Variants in NIPAL2 observed in about 807,000 individuals in gnomAD.
NIPAL2 encodes NIPA-like protein 2.
A neutral mutation model predicts 48.9 loss-of-function variants in NIPAL2; 43 were observed. The ratio of observed to expected loss-of-function variants is 0.88; its 90% CI spans 0.69 to 1.13. NIPAL2 has a LOEUF of 1.13. Ranked by LOEUF, NIPAL2 falls within the 50% of genes most tolerant of loss-of-function variation. The pLI is 0.00. For missense variants in NIPAL2, 446 were observed against 461.4 expected, an observed-to-expected ratio of 0.97 and a Z score of 0.31; for synonymous variants, 167 against 174.6, an observed-to-expected ratio of 0.96 and a Z score of 0.34.
intron 3 of NIPAL2, among the ~76,000 whole-genome samples, chr8:98,246,384 T>C (rs1202840056): frequency 6.6e-6 from 1 of 152,228 alleles, no homozygotes; most frequent in Non-Finnish European, 1.5e-5. Context: ...ATCAGACTCA[T>C]GCTCTCCTCA....
chr8:98,246,204 G>A (rs1813298582), intron 3 of NIPAL2, among the ~76,000 whole-genome samples: 1 of 152,176 alleles, frequency 6.6e-6, no homozygotes, highest in South Asian at 2.1e-4. Context: ...GGCCTCACCA[G>A]GGCTTCCTGG....
intron 1 of NIPAL2, 142 bp downstream of exon 1, chr8:98,293,861 T>C (rs2130933426): frequency 1.3e-6 from 1 of 770,676 alleles, no homozygotes; most frequent in Middle Eastern, 4.3e-4. Flanking sequence ...CGGGAAACAT[T>C]GCATGTCACC....
intron 1 of NIPAL2, among the ~76,000 whole-genome samples, chr8:98,292,630 G>GA (rs1436257423): frequency 1.3e-5 from 2 of 151,890 alleles, no homozygotes; most frequent in Non-Finnish European, 2.9e-5. Flanking sequence ...AGACAATCAA[G>GA]AATTCCAGGA....
At chr8:98,249,162 G>A (rs1463406297) in intron 3 of NIPAL2, among the ~76,000 whole-genome samples, 1 of 152,072 alleles carries the variant, frequency 6.6e-6, no homozygotes. Context: ...CCTGTTTTAG[G>A]GCCCCAAGAA....
intron 1 of NIPAL2, among the ~76,000 whole-genome samples, chr8:98,260,549 C>A (rs1563533499): frequency 6.6e-6 from 1 of 152,170 alleles, no homozygotes; most frequent in East Asian, 1.9e-4. Flanking sequence ...TCACTCCAAC[C>A]CGAATACTGC....
chr8:98,227,822 C>T (rs1380350715), intron 4 of NIPAL2, among the ~76,000 whole-genome samples: 1 of 152,210 alleles, frequency 6.6e-6, no homozygotes, highest in Non-Finnish European at 1.5e-5. Flanking sequence ...AGCACCAGGA[C>T]TTGCCTAGGA....
intron 1 of NIPAL2, among the ~76,000 whole-genome samples, chr8:98,267,853 C>A (rs571488751): frequency 6.6e-6 from 1 of 152,098 alleles, no homozygotes; most frequent in Non-Finnish European, 1.5e-5. Flanking sequence ...TTCCCCACCC[C>A]CTGGAACCTA....
chr8:98,232,205 AG>A (rs1472469978), intron 4 of NIPAL2, among the ~76,000 whole-genome samples: 6 of 152,192 alleles, frequency 3.9e-5, no homozygotes, highest in Non-Finnish European at 5.9e-5. Context: ...GTTGGAGGCA[AG>A]GGTATAGAAT....
intron 3 of NIPAL2, among the ~76,000 whole-genome samples, chr8:98,242,599 C>T (rs1347244274): frequency 6.6e-6 from 1 of 151,298 alleles, no homozygotes; most frequent in Non-Finnish European, 1.5e-5. Context: ...GATTCTCCTG[C>T]CTCAGCCTCC....
At chr8:98,274,008 C>G (rs1158888536) in intron 1 of NIPAL2, among the ~76,000 whole-genome samples, 1 of 151,860 alleles carries the variant, frequency 6.6e-6, no homozygotes, top group Non-Finnish European at 1.5e-5. Flanking sequence ...GGTTATCAAC[C>G]AAATGAAGTT....
intron 1 of NIPAL2, among the ~76,000 whole-genome samples, chr8:98,269,743 G>T (rs1480805889): frequency 3.3e-5 from 5 of 152,062 alleles, no homozygotes; most frequent in African/African-American, 1.2e-4. Flanking sequence ...TGTTAGAAGG[G>T]TATGTTCGCA....
intron 8 of NIPAL2, among the ~76,000 whole-genome samples, chr8:98,201,305 C>T (rs776326879): frequency 6.6e-6 from 1 of 152,256 alleles, no homozygotes; most frequent in Admixed American, 6.5e-5. Flanking sequence ...GCCATCCCAC[C>T]GACTCATCAA....
At chr8:98,275,554 C>T (rs888741849) in intron 1 of NIPAL2, among the ~76,000 whole-genome samples, 8 of 152,140 alleles carry the variant, frequency 5.3e-5, no homozygotes, top group Non-Finnish European at 1.2e-4. Context: ...AACAAAGCTT[C>T]TATGAACATT....
At chr8:98,226,262 TCTTGATG>T (rs1338986269) in intron 4 of NIPAL2, among the ~76,000 whole-genome samples, 2 of 152,080 alleles carry the variant, frequency 1.3e-5, no homozygotes, top group Non-Finnish European at 2.9e-5. Context: ...TCCTGGATGG[TCTTGATG>T]CTTGTGAATG....
At chr8:98,198,735 AT>A (rs963236963) in intron 8 of NIPAL2, among the ~76,000 whole-genome samples, 2 of 152,054 alleles carry the variant, frequency 1.3e-5, no homozygotes, top group Admixed American at 6.6e-5. Context: ...TTCTTCTGTC[AT>A]TTCTTCACCT....
chr8:98,229,326 A>G (rs1397348864), intron 4 of NIPAL2, among the ~76,000 whole-genome samples: 1 of 152,204 alleles, frequency 6.6e-6, no homozygotes, highest in South Asian at 2.1e-4. Context: ...GCCTTTTATA[A>G]TAGATACACT....
chr8:98,266,009 A>G (rs1408486045), intron 1 of NIPAL2, among the ~76,000 whole-genome samples: 1 of 151,404 alleles, frequency 6.6e-6, no homozygotes, highest in East Asian at 1.9e-4. Flanking sequence ...GGAAAACATC[A>G]TTCTCAGTAA....
At chr8:98,252,363 T>C (rs931088562) in intron 3 of NIPAL2, 100 bp downstream of exon 3, 8 of 1,170,924 alleles carry the variant, frequency 6.8e-6, no homozygotes, top group Non-Finnish European at 9.4e-6. Context: ...AACCAGGCAA[T>C]AGACTTTCTT....
chr8:98,278,070 A>G (rs975042905), intron 1 of NIPAL2, among the ~76,000 whole-genome samples: 4 of 152,206 alleles, frequency 2.6e-5, no homozygotes, highest in African/African-American at 9.6e-5. Flanking sequence ...ATAGGCTGAC[A>G]GTAATTTTAC....
Sources: allele counts gnomAD v4.1 joint callset (sites outside exome capture counted in the v4.1 genomes callset), GRCh38; gene constraint gnomAD v4.1.1; transcripts MANE v1.5; gene names NCBI Gene and HGNC (gene_info 2026-07-23, HGNC 2026-07-21).